The following NT5DC1 variants were observed in gnomAD, a reference collection of about 807,000 sequenced individuals.
The protein encoded by NT5DC1 is 5'-nucleotidase domain containing 1.
NT5DC1 carries 42 observed loss-of-function variants against 59.4 expected under a neutral mutation model. That is an observed-to-expected ratio of 0.71 (90% CI 0.55 to 0.92). The LOEUF is 0.92. Among genes scored for constraint, NT5DC1 ranks in the 40% least tolerant of loss-of-function variants. The pLI, the probability that NT5DC1 is intolerant of heterozygous loss-of-function variation, is 0.00. For synonymous variants in NT5DC1, 172 were observed against 188.1 expected (o/e 0.91, Z 0.70); for missense variants, 501 against 537.1 (o/e 0.93, Z 0.66).
At chr6:116,120,004 T>G in intron 6 of NT5DC1, 9 of 1,306,576 alleles carry the variant, frequency 6.9e-6, no homozygotes, top group Non-Finnish European at 1.0e-5. Flanking sequence ...TCCATATGCA[T>G]TTTGTAGGGT....
At chr6:116,239,261 C>T (rs1282073584) in intron 11 of NT5DC1, 138 bp downstream of exon 11, 1 of 671,608 alleles carries the variant, frequency 1.5e-6, no homozygotes, top group African/African-American at 1.9e-5. Flanking sequence ...GATATGGAAC[C>T]TAGGTAATTA....
intron 6 of NT5DC1, among the ~76,000 whole-genome samples, chr6:116,154,258 T>C (rs993211369): frequency 2.0e-5 from 3 of 152,182 alleles, no homozygotes; most frequent in African/African-American, 7.2e-5. Context: ...ATATTCAATA[T>C]TTTAACAAAA....
At chr6:116,101,081 G>C (rs2114892201) in intron 1 of NT5DC1, 58 bp downstream of exon 1, 1 of 1,316,330 alleles carries the variant, frequency 7.6e-7, no homozygotes, top group Middle Eastern at 1.8e-4. Flanking sequence ...GCTGGGGCTT[G>C]AGTTTCCTCC....
At chr6:116,139,776 AT>A (rs1191150929) in intron 6 of NT5DC1, among the ~76,000 whole-genome samples, 1 of 152,184 alleles carries the variant, frequency 6.6e-6, no homozygotes, top group Non-Finnish European at 1.5e-5. Context: ...AAAAGGCATT[AT>A]AAATATTAAT....
chr6:116,168,831 G>A (rs976772198), intron 6 of NT5DC1, among the ~76,000 whole-genome samples: 1 of 152,150 alleles, frequency 6.6e-6, no homozygotes. Flanking sequence ...CTGGCAGGCA[G>A]CTAGGGCTCT....
chr6:116,139,725 G>A lies in NT5DC1; in HGVS notation c.529+21780G>A, dbSNP rs1779715922. Among the ~76,000 whole-genome samples, 4 of 152,186 alleles carry A rather than the reference G, an allele frequency of 2.6e-5. No individual in the cohort carries two copies. The South Asian group carries it at 6.2e-4, about 24-fold the overall frequency. On this transcript the variant is annotated intron_variant, in intron 6 of 11. Coordinates refer to ENST00000319550, the MANE Select transcript of NT5DC1 (RefSeq NM_152729.3). ...TGGTTCTTTAGATCTTTCTTGTCAT[G>A]GGAGTAAGGAGAGAAATAGGAATTT...
chr6:116,231,678 C>T (rs1184823285), intron 8 of NT5DC1, among the ~76,000 whole-genome samples: 1 of 152,162 alleles, frequency 6.6e-6, no homozygotes, highest in Non-Finnish European at 1.5e-5. Context: ...CAGATCCTCT[C>T]ATGTTTGTAA....
chr6:116,175,419 T>A (rs931929612), intron 6 of NT5DC1, among the ~76,000 whole-genome samples: 4 of 152,244 alleles, frequency 2.6e-5, no homozygotes, highest in Admixed American at 2.0e-4. Context: ...GGCGGAGTAT[T>A]TATCTCACTG....
At chr6:116,213,864 A>G (rs905653322) in intron 6 of NT5DC1, among the ~76,000 whole-genome samples, 1 of 151,912 alleles carries the variant, frequency 6.6e-6, no homozygotes, top group Non-Finnish European at 1.5e-5. Context: ...CTTATTGGGG[A>G]TTTTGTGCCA....
intron 4 of NT5DC1, among the ~76,000 whole-genome samples, chr6:116,113,114 A>G (rs1778910997): frequency 6.6e-6 from 1 of 152,248 alleles, no homozygotes. Flanking sequence ...GATTATGCAG[A>G]AACAGCTTGG....
chr6:116,105,485 A>G (rs969686353), intron 1 of NT5DC1, among the ~76,000 whole-genome samples: 1 of 152,208 alleles, frequency 6.6e-6, no homozygotes, highest in African/African-American at 2.4e-5. Flanking sequence ...AAGTTTACCC[A>G]ACACTGGCCA....
intron 6 of NT5DC1, among the ~76,000 whole-genome samples, chr6:116,219,476 C>T (rs940625652): frequency 6.6e-6 from 1 of 152,128 alleles, no homozygotes; most frequent in Non-Finnish European, 1.5e-5. Context: ...GAGGGAATAA[C>T]TGTGATAGGT....
chr6:116,178,382 T>G (rs1401845517), intron 6 of NT5DC1, among the ~76,000 whole-genome samples: 1 of 152,192 alleles, frequency 6.6e-6, no homozygotes, highest in Admixed American at 6.6e-5. Flanking sequence ...CAGCCTTTCT[T>G]GATTCATAAA....
intron 6 of NT5DC1, among the ~76,000 whole-genome samples, chr6:116,180,797 G>A (rs998867715): frequency 6.6e-6 from 1 of 152,036 alleles, no homozygotes; most frequent in Non-Finnish European, 1.5e-5. Flanking sequence ...AAAGAAAAAA[G>A]AATGAAGGAG....
intron 8 of NT5DC1, among the ~76,000 whole-genome samples, chr6:116,234,927 C>A (rs942410059): frequency 6.6e-6 from 1 of 151,960 alleles, no homozygotes; most frequent in African/African-American, 2.4e-5. Flanking sequence ...GCCTCAGCTG[C>A]CCTTGTAAAT....
At chr6:116,107,233 C>CTAGT (rs1778783698) in intron 2 of NT5DC1, among the ~76,000 whole-genome samples, 2 of 146,414 alleles carry the variant, frequency 1.4e-5, no homozygotes, top group Non-Finnish European at 3.0e-5. Context: ...TTATGTTGAT[C>CTAGT]TAGTATGCAT....
At chr6:116,212,338 T>C (rs1164344737) in intron 6 of NT5DC1, among the ~76,000 whole-genome samples, 1 of 152,112 alleles carries the variant, frequency 6.6e-6, no homozygotes, top group Non-Finnish European at 1.5e-5. Flanking sequence ...AAATAGCTGC[T>C]TAACTACTCT....
intron 6 of NT5DC1, among the ~76,000 whole-genome samples, chr6:116,204,884 G>C (rs1383515685): frequency 6.6e-6 from 1 of 151,984 alleles, no homozygotes; most frequent in Non-Finnish European, 1.5e-5. Context: ...ATTTAAGTAC[G>C]TGGCTAGATT....
At chr6:116,177,634 T>C (rs1347903974) in intron 6 of NT5DC1, among the ~76,000 whole-genome samples, 1 of 152,202 alleles carries the variant, frequency 6.6e-6, no homozygotes, top group Non-Finnish European at 1.5e-5. Flanking sequence ...CTTATACTTT[T>C]TACTTAAAGG....
Sources: allele counts gnomAD v4.1 joint callset (sites outside exome capture counted in the v4.1 genomes callset), GRCh38; gene constraint gnomAD v4.1.1; transcripts MANE v1.5; gene names NCBI Gene and HGNC (gene_info 2026-07-23, HGNC 2026-07-21).